The following PPP1R13L variants were observed in gnomAD, a reference collection of about 807,000 sequenced individuals.
The protein encoded by PPP1R13L is protein phosphatase 1 regulatory subunit 13 like, also known as relA-associated inhibitor.
Under a neutral mutation model 80.9 loss-of-function variants are expected in PPP1R13L, and 50 were observed. The ratio of observed to expected loss-of-function variants is 0.62; its 90% CI spans 0.49 to 0.78. PPP1R13L has a LOEUF of 0.78. Ranked by LOEUF, PPP1R13L falls within the 30% of genes least tolerant of loss-of-function variation. The pLI, the probability that PPP1R13L is intolerant of heterozygous loss-of-function variation, is 0.00. For missense variants in PPP1R13L, 1,200 were observed against 1,205.9 expected (o/e 1.00, Z 0.07); for synonymous variants, 602 against 534.3 (o/e 1.13, Z -1.75).
chr19:45,406,340 G>A, upstream of PPP1R13L: 1 of 1,200,038 alleles, frequency 8.3e-7, no homozygotes. This position sits in a 1 kb window ranked among gnomAD's most constrained non-coding sequence, Gnocchi z 4.2. Context: ...TCTCTTTAAG[G>A]CTTAGGAAGA....
upstream of PPP1R13L, among the ~76,000 whole-genome samples, chr19:45,405,524 C>T (rs1275269276): frequency 6.6e-6 from 1 of 152,218 alleles, no homozygotes; most frequent in Non-Finnish European, 1.5e-5. Context: ...CGCCCTCGGG[C>T]GACTCTTTGC....
rs1038636035 is a variant in PPP1R13L at position 45,395,563 on chromosome 19, T to C, written c.1227A>G (p.Gln409=). 5 of 1,483,340 alleles carry C rather than the reference T, an allele frequency of 3.4e-6. No individual in the cohort carries two copies. The African/African-American group carries it at 5.6e-5, about 17-fold the overall frequency. The allele number at this position is 1,483,340 out of a possible 1,614,324, so 91.9% of individuals were successfully genotyped here. A position where few individuals can be genotyped will look rare whatever the true frequency, so the allele number is the denominator to read the frequency against. ...TRAPPPKLQP[Q]PQPQPQPQSQ... ...ATTGTGGCTGGGGCTGTGGTTGTGG[T>C]TGGGGCTGCAGCTTAGGCGGGGGTG... The change falls in exon 7 of 13, where the codon CAA becomes CAG. Residue 409 remains glutamine, a synonymous_variant. Transcript: ENST00000360957.
chr19:45,392,730 G>A (rs1350459270), intron 7 of PPP1R13L: 2 of 304,510 alleles, frequency 6.6e-6, no homozygotes, highest in Non-Finnish European at 1.3e-5. Context: ...TACCAACCGT[G>A]ATAGATGTGA....
chr19:45,400,326 C>T (rs1040297087), intron 1 of PPP1R13L, among the ~76,000 whole-genome samples: 2 of 151,884 alleles, frequency 1.3e-5, no homozygotes, highest in Non-Finnish European at 2.9e-5. Flanking sequence ...CCACTAGGAA[C>T]CGGTCAGGCC....
chr19:45,384,346 C>T (rs925472336), intron 11 of PPP1R13L, among the ~76,000 whole-genome samples: 7 of 139,732 alleles, frequency 5.0e-5, no homozygotes, highest in African/African-American at 1.9e-4. Flanking sequence ...CATGGCAAAA[C>T]CCCGTCTCTA....
Position 45,395,759 on chromosome 19 carries a change from C to T in PPP1R13L, c.1031G>A (p.Arg344His). The T allele has an allele frequency of 6.5e-7, 1 of 1,541,946 alleles. No homozygotes were observed. Among genetic ancestry groups the T allele is most frequent in the Non-Finnish European group, 8.7e-7 (1 of 1,149,490 alleles). The change falls in exon 7 of 13, where the codon CGC becomes CAC. Residue 344 changes from arginine to histidine, a missense_variant. Arg to His is a conservative substitution (Grantham distance 29). Transcript: ENST00000360957. ...GATGCGGCTGACGGGCTGCCAGCTG[C>T]GAGGCAAAGTGCCCGACGGCCCCGC... ...GSAGPSGTLP[R>H]SWQPVSRIPM...
chr19:45,396,534 C>T lies in PPP1R13L; in HGVS notation c.712+11G>A. On this transcript the variant is annotated intron_variant, in intron 4 of 12. Transcript: ENST00000360957. This position sits in a 1 kb window ranked among gnomAD's most constrained non-coding sequence, Gnocchi z 5.3. ...CGAGTCAAAGGCCCCGCGAGGGGCC[C>T]CTGGGTTCACCTTGCGCGCGCAGAG... 6.4e-7 allele frequency: 1 copy of T among 1,572,392 alleles called. No individual in the cohort carries two copies. Among genetic ancestry groups the T allele is most frequent in the Non-Finnish European group, 8.6e-7 (1 of 1,164,264 alleles).
chr19:45,380,591 G>C (rs34800237), intron 12 of PPP1R13L, among the ~76,000 whole-genome samples: 2,378 of 152,212 alleles, frequency 0.016, 63 homozygotes, highest in African/African-American at 0.054. Flanking sequence ...GCCGAGGTGG[G>C]TGGATGACCT....
chr19:45,391,819 T>C, intron 8 of PPP1R13L, 61 bp downstream of exon 8: 1 of 1,329,804 alleles, frequency 7.5e-7, no homozygotes, highest in Non-Finnish European at 9.9e-7. Context: ...TGGGGGGCTC[T>C]TTGCTACAGC....
rs1307180307 is a variant in PPP1R13L at position 45,396,656 on chromosome 19, C to T, written c.601G>A (p.Gly201Arg). ...EGPQAFFPER[G>R]PSPRPPATAY... ...GTGGCAGGGGGGCGCGGTGACGGCC[C>T]ACGCTCGGGGAAGAAGGCCTGGGGC... Residue 201 changes from glycine (G) to arginine (R), a missense_variant, in exon 4 of 13, where the codon GGG (glycine) becomes AGG (arginine). Around this residue, in one of 5 missense-constraint regions of PPP1R13L, gnomAD observed 764 missense variants for 714.5 expected, o/e 1.07. Transcript: ENST00000360957. This position sits in a 1 kb window ranked among gnomAD's most constrained non-coding sequence, Gnocchi z 5.3. 1.4e-6 allele frequency: 2 copies of T among 1,464,918 alleles called. No homozygotes were observed. The highest frequency in any genetic ancestry group is 1.5e-5 in the African/African-American group (1 of 68,098). The allele number at this position is 1,464,918 out of a possible 1,614,324, so 90.7% of individuals were successfully genotyped here. A position where few individuals can be genotyped will look rare whatever the true frequency, so the allele number is the denominator to read the frequency against.
chr19:45,386,182 T>TG lies in PPP1R13L; in HGVS notation c.1816-3dup. On this transcript the variant is annotated splice_polypyrimidine_tract_variant and splice_region_variant and intron_variant, in intron 8 of 12. Coordinates refer to ENST00000360957, the MANE Select transcript of PPP1R13L (RefSeq NM_006663.4). ...CTTCCGCAGCACAGAGCGCATCTCC[T>TG]GGGGGACAGGGCGCAGAGGTCAGCG... 6.6e-7 allele frequency: 1 copy of TG among 1,516,272 alleles called. No individual in the cohort carries two copies. Among genetic ancestry groups the TG allele is most frequent in the Non-Finnish European group, 8.7e-7 (1 of 1,146,444 alleles). 93.9% of individuals were successfully genotyped at this position (1,516,272 alleles called of 1,614,324 possible).
At position 45,395,889 on chromosome 19, in the gene PPP1R13L, G is replaced by A. The variant is rs1599773437; in HGVS notation, c.904-3C>T. 6.3e-7 allele frequency: 1 copy of A among 1,580,270 alleles called. No homozygotes were observed. Among genetic ancestry groups the A allele is most frequent in the Non-Finnish European group, 8.6e-7 (1 of 1,163,116 alleles). On this transcript the variant is annotated splice_region_variant and splice_polypyrimidine_tract_variant and intron_variant, in intron 6 of 12. Transcript: ENST00000360957. ...AGGGTGGCGCTAGTGAGGTTGTCCT[G>A]GGGAAGAGGGAAGGGAGAAGGGGAT... is the stretch of plus-strand genomic sequence containing the variant.
In PPP1R13L at chr19:45,392,263, C is replaced by T. The variant is rs141585259; in HGVS notation, c.1432G>A (p.Asp478Asn). 74 of 1,613,342 alleles carry T rather than the reference C, an allele frequency of 4.6e-5. No homozygotes were observed. The highest frequency in any genetic ancestry group is 1.1e-4 in the South Asian group (10 of 91,058). Residue 478 changes from aspartate (D) to asparagine (N), a missense_variant, in exon 8 of 13, where the codon GAT (aspartate) becomes AAT (asparagine). Coordinates refer to ENST00000360957, the MANE Select transcript of PPP1R13L (RefSeq NM_006663.4). Reference sequence around the variant, plus strand: ...CTTGCTACAGGGCCTTCATCCACATCGCCAGCCTCCAGCACTGGTGTCAGC... The same window carrying T: ...CTTGCTACAGGGCCTTCATCCACATTGCCAGCCTCCAGCACTGGTGTCAGC... ...GLLTPVLEAGDVDEGPVARPL... is the reference protein window; with the variant it reads ...GLLTPVLEAGNVDEGPVARPL...
At chr19:45,386,295 C>G (rs1401486670) in intron 8 of PPP1R13L, 115 bp from the exon 9 acceptor site, 5 of 1,301,976 alleles carry the variant, frequency 3.8e-6, no homozygotes, top group East Asian at 2.9e-5. Context: ...AGGGGTAGAA[C>G]TGGGATTCCC....
intron 11 of PPP1R13L, among the ~76,000 whole-genome samples, chr19:45,384,224 A>G (rs1972821963): frequency 6.6e-6 from 1 of 151,700 alleles, no homozygotes; most frequent in Non-Finnish European, 1.5e-5. Flanking sequence ...TTATGTTATT[A>G]TTAAATATTT....
intron 7 of PPP1R13L, 123 bp downstream of exon 7, chr19:45,395,313 G>T: frequency 7.5e-7 from 1 of 1,335,370 alleles, no homozygotes; most frequent in Non-Finnish European, 1.0e-6. Context: ...CTAGCTCTCT[G>T]CAGGGACAGT....
At chr19:45,402,499 G>A (rs1037088481) in intron 1 of PPP1R13L, among the ~76,000 whole-genome samples, 1 of 152,250 alleles carries the variant, frequency 6.6e-6, no homozygotes, top group African/African-American at 2.4e-5. Context: ...GGAGCCACCA[G>A]GGGGCGGTCA....
chr19:45,380,015 A>G lies in PPP1R13L; in HGVS notation c.*175T>C, dbSNP rs749006180. 3 of 700,484 alleles carry G rather than the reference A, an allele frequency of 4.3e-6. No homozygotes were observed. Among genetic ancestry groups the G allele is most frequent in the Non-Finnish European group, 7.2e-6 (3 of 416,920 alleles). The allele number at this position is 700,484 out of a possible 1,614,324, so 43.4% of individuals were successfully genotyped here. A position where few individuals can be genotyped will look rare whatever the true frequency, so the allele number is the denominator to read the frequency against. The stretch of plus-strand genomic sequence containing the variant: ...AAGGCTAAGGCAGATTACTAAATTT[A>G]AGGCTGGGGCCCTCCTTCTTCCCTG... On this transcript the variant is annotated 3_prime_UTR_variant, in exon 13 of 13. Coordinates refer to ENST00000360957, the MANE Select transcript of PPP1R13L (RefSeq NM_006663.4).
chr19:45,397,032 G>T lies in PPP1R13L; in HGVS notation c.225C>A (p.Ile75=), dbSNP rs200414453. The T allele has an allele frequency of 1.8e-5, 25 of 1,357,828 alleles. No homozygotes were observed. The East Asian group carries it at 7.2e-4, about 39-fold the overall frequency. The allele number at this position is 1,357,828 out of a possible 1,614,324, so 84.1% of individuals were successfully genotyped here. ...ACCCTCGGCTGCCGAAGGGCTCAGG[G>T]ATCGAGCTGGAGCTGTACCGGGGCG... ...SRPPRYSSSS[I]PEPFGSRGSP... Residue 75 remains isoleucine, a synonymous_variant, in exon 4 of 13, where the codon ATC becomes ATA. Coordinates refer to ENST00000360957, the MANE Select transcript of PPP1R13L (RefSeq NM_006663.4).
Sources: gnomAD v4.1 joint callset for allele counts (sites outside exome capture counted in the v4.1 genomes callset) on GRCh38, gnomAD v4.1.1 for gene constraint, gnomAD v4.1.1 regional missense constraint, Gnocchi (gnomAD v3.1) non-coding constraint, MANE v1.5 for transcripts, NCBI Gene and HGNC (gene_info 2026-07-23, HGNC 2026-07-21) for gene names.